The following ELK3 variants were observed in gnomAD, a reference collection of about 807,000 sequenced individuals.
The protein encoded by ELK3 is ETS transcription factor ELK3, also known as ETS domain-containing protein Elk-3.
Under a neutral mutation model 28.9 loss-of-function variants are expected in ELK3, and 10 were observed. The ratio of observed to expected loss-of-function variants is 0.35; its 90% CI spans 0.21 to 0.59. ELK3 has a LOEUF of 0.59. ELK3 is among the 20% of genes least tolerant of loss of function. The pLI, the probability that ELK3 is intolerant of heterozygous loss-of-function variation, is 0.82. For synonymous variants in ELK3, 272 were observed against 243.5 expected (o/e 1.12, Z -1.09); for missense variants, 463 against 517.3 (o/e 0.90, Z 1.02).
chr12:96,254,095 G>T (rs1951928154), intron 3 of ELK3, among the ~76,000 whole-genome samples: 1 of 152,220 alleles, frequency 6.6e-6, no homozygotes, highest in Non-Finnish European at 1.5e-5. Flanking sequence ...GGAGGCCAAG[G>T]GGGCGGATAG....
At chr12:96,233,179 T>G (rs988114664) in intron 2 of ELK3, among the ~76,000 whole-genome samples, 4 of 152,186 alleles carry the variant, frequency 2.6e-5, no homozygotes, top group Non-Finnish European at 4.4e-5. Context: ...GGAAAAAGGA[T>G]GGGCTCTGGT....
At chr12:96,246,491 C>T (rs1158048322) in intron 2 of ELK3, among the ~76,000 whole-genome samples, 2 of 151,966 alleles carry the variant, frequency 1.3e-5, no homozygotes, top group Admixed American at 1.3e-4. Flanking sequence ...GCTGTCTCCA[C>T]AAAAAATAAA....
In ELK3 at chr12:96,246,294, C is replaced by T. The variant is rs573242081; in HGVS notation, c.208-646C>T. ...CAAATTTTTAAAATAGGAGTCACAA[C>T]ACCTTCCTTTTAGGATTGCTGTTCA... On this transcript the variant is annotated intron_variant, in intron 2 of 4. Transcript: ENST00000228741. Among the ~76,000 whole-genome samples the T allele has an allele frequency of 2.0e-5, 3 of 152,296 alleles. No homozygotes were observed. In the South Asian group the frequency reaches 6.2e-4, roughly 32 times the overall value.
chr12:96,201,581 A>C (rs1951508095), intron 1 of ELK3, among the ~76,000 whole-genome samples: 1 of 3,886 alleles, frequency 2.6e-4, no homozygotes, highest in Non-Finnish European at 4.9e-4. Context: ...ACCCTGTCTC[A>C]AAAAAAAAAA....
intron 2 of ELK3, among the ~76,000 whole-genome samples, chr12:96,230,294 C>A (rs545931174): frequency 6.6e-6 from 1 of 152,332 alleles, no homozygotes; most frequent in African/African-American, 2.4e-5. Flanking sequence ...GATGCTCGCA[C>A]AACAACGAAA....
intron 4 of ELK3, among the ~76,000 whole-genome samples, chr12:96,265,585 C>G (rs1196577002): frequency 2.6e-5 from 4 of 152,064 alleles, no homozygotes; most frequent in Non-Finnish European, 4.4e-5. Flanking sequence ...ACTTAGGAGG[C>G]TGAAGTGGGA....
At chr12:96,209,323 C>T (rs1289171483) in intron 1 of ELK3, among the ~76,000 whole-genome samples, 1 of 152,036 alleles carries the variant, frequency 6.6e-6, no homozygotes, top group East Asian at 1.9e-4. Context: ...ATCTACCCTT[C>T]CCAGAAAGAC....
At chr12:96,225,738 G>C (rs1951694614) in intron 2 of ELK3, among the ~76,000 whole-genome samples, 1 of 152,298 alleles carries the variant, frequency 6.6e-6, no homozygotes, top group Admixed American at 6.5e-5. Context: ...CACACACCCT[G>C]CCTTCTGGGC....
chr12:96,241,972 C>G (rs190968016), intron 2 of ELK3, among the ~76,000 whole-genome samples: 40 of 152,326 alleles, frequency 2.6e-4, no homozygotes, highest in Admixed American at 1.8e-3. Flanking sequence ...TGGGAAATTA[C>G]AAAGAGACTG....
At chr12:96,216,943 C>T (rs1951623494) in intron 1 of ELK3, among the ~76,000 whole-genome samples, 1 of 152,212 alleles carries the variant, frequency 6.6e-6, no homozygotes, top group African/African-American at 2.4e-5. Flanking sequence ...TTCACTAGCA[C>T]CTGCTTTGAG....
Position 96,235,384 on chromosome 12 carries a change from G to A in ELK3, c.208-11556G>A, listed in dbSNP as rs1040466849. ...GGACTTGGTTTCTCCTGCTGTCATTGCGTCTCCCTTACGGGGCCGCATGCT... is the reference window on the plus strand; with the variant it reads ...GGACTTGGTTTCTCCTGCTGTCATTACGTCTCCCTTACGGGGCCGCATGCT... On this transcript the variant is annotated intron_variant, in intron 2 of 4. Coordinates refer to ENST00000228741, the MANE Select transcript of ELK3 (RefSeq NM_005230.4). 4.6e-5 allele frequency among the ~76,000 whole-genome samples: 7 copies of A among 152,064 alleles called. No homozygotes were observed. The East Asian group carries it at 1.2e-3, about 25-fold the overall frequency.
At chr12:96,230,093 C>A (rs971656501) in intron 2 of ELK3, among the ~76,000 whole-genome samples, 7 of 152,118 alleles carry the variant, frequency 4.6e-5, no homozygotes, top group Admixed American at 4.6e-4. Flanking sequence ...GACTATAATT[C>A]CATATTTTTA....
chr12:96,243,416 C>T (rs192557726), intron 2 of ELK3, among the ~76,000 whole-genome samples: 1 of 152,316 alleles, frequency 6.6e-6, no homozygotes, highest in Admixed American at 6.5e-5. Context: ...GCTGCTTTCA[C>T]TTTGCAGTGA....
At chr12:96,266,587 C>CTTACT (rs1952032700) in intron 4 of ELK3, among the ~76,000 whole-genome samples, 1 of 152,124 alleles carries the variant, frequency 6.6e-6, no homozygotes, top group African/African-American at 2.4e-5. Flanking sequence ...AAATACATTT[C>CTTACT]TTACTTTAGA....
Position 96,263,004 on chromosome 12 carries a change from C to CT in ELK3, c.1125+3154dup, listed in dbSNP as rs1386943402. Among the ~76,000 whole-genome samples, 3 of 152,206 alleles carry CT rather than the reference C, an allele frequency of 2.0e-5. No homozygotes were observed. The East Asian group carries it at 5.8e-4, about 29-fold the overall frequency. On this transcript the variant is annotated intron_variant, in intron 4 of 4. Transcript: ENST00000228741. ...TTTCTTTCAAAATAACAACAAACCT[C>CT]TTTCATGTACGCTATAGATGTAATG...
At chr12:96,230,714 C>T (rs1452788843) in intron 2 of ELK3, among the ~76,000 whole-genome samples, 1 of 152,152 alleles carries the variant, frequency 6.6e-6, no homozygotes, top group Non-Finnish European at 1.5e-5. Flanking sequence ...AAAGGCGACC[C>T]TGGGGGCGCC....
intron 3 of ELK3, among the ~76,000 whole-genome samples, chr12:96,258,059 T>C (rs1951964911): frequency 6.6e-6 from 1 of 152,208 alleles, no homozygotes; most frequent in Admixed American, 6.5e-5. Flanking sequence ...CCCTGTAACG[T>C]GGGCATTTTT....
At chr12:96,242,231 C>T (rs954566433) in intron 2 of ELK3, among the ~76,000 whole-genome samples, 1 of 152,228 alleles carries the variant, frequency 6.6e-6, no homozygotes, top group African/African-American at 2.4e-5. Flanking sequence ...TGGCCTGAAT[C>T]TTGTGTCACC....
At chr12:96,256,496 A>G (rs1951950159) in intron 3 of ELK3, among the ~76,000 whole-genome samples, 1 of 152,186 alleles carries the variant, frequency 6.6e-6, no homozygotes. Flanking sequence ...AAGTTGGAGC[A>G]TGGTGGGGCA....
Sources: gnomAD v4.1 joint callset for allele counts (sites outside exome capture counted in the v4.1 genomes callset) on GRCh38, gnomAD v4.1.1 for gene constraint, MANE v1.5 for transcripts, NCBI Gene and HGNC (gene_info 2026-07-23, HGNC 2026-07-21) for gene names.